Variants in FAM174B observed in about 807,000 individuals in gnomAD.
The protein encoded by FAM174B is family with sequence similarity 174 member B.
In FAM174B, 12 loss-of-function variants were observed where a neutral mutation model predicts 10.9. The ratio of observed to expected loss-of-function variants is 1.10; its 90% CI spans 0.71 to 1.79. The LOEUF (loss-of-function observed/expected upper bound fraction) is 1.79. Among genes scored for constraint, FAM174B ranks in the 40% most tolerant of loss-of-function variants. FAM174B has a pLI of 0.00. For missense variants in FAM174B, 266 were observed against 233.3 expected, an observed-to-expected ratio of 1.14 and a Z score of -0.91; for synonymous variants, 132 against 115.8, an observed-to-expected ratio of 1.14 and a Z score of -0.90.
At chr15:92,634,937 T>G (rs2050843560) in intron 1 of FAM174B, among the ~76,000 whole-genome samples, 1 of 152,198 alleles carries the variant, frequency 6.6e-6, no homozygotes, top group South Asian at 2.1e-4. Context: ...TTTCCTGCCT[T>G]GGGACTCAAA....
chr15:92,653,981 A>T (rs1275346437), intron 1 of FAM174B, among the ~76,000 whole-genome samples: 5 of 152,218 alleles, frequency 3.3e-5, no homozygotes, highest in Non-Finnish European at 7.3e-5. Context: ...TAGAGTGGGA[A>T]GAAGACAGGA....
intron 1 of FAM174B, chr15:92,639,283 A>T (rs1293161998): frequency 6.6e-6 from 1 of 152,220 alleles, no homozygotes; most frequent in Non-Finnish European, 1.5e-5. Context: ...AAAGCAACCA[A>T]AACAAGCTTG....
chr15:92,646,588 G>T (rs1257223462), intron 1 of FAM174B, among the ~76,000 whole-genome samples: 1 of 152,164 alleles, frequency 6.6e-6, no homozygotes, highest in African/African-American at 2.4e-5. Flanking sequence ...AGGGTGGGGG[G>T]TTGGACATAC....
chr15:92,631,382 T>TATATA (rs2050812499), intron 1 of FAM174B, among the ~76,000 whole-genome samples: 1 of 22,862 alleles, frequency 4.4e-5, no homozygotes, highest in African/African-American at 2.9e-4. Flanking sequence ...TATAATATAT[T>TATATA]ATATATTATA....
intron 2 of FAM174B, among the ~76,000 whole-genome samples, chr15:92,623,692 C>T (rs1250946648): frequency 1.3e-5 from 2 of 152,206 alleles, no homozygotes; most frequent in East Asian, 3.8e-4. Context: ...GGCAAGGACA[C>T]TCTGGGAAGA....
At chr15:92,633,801 C>T (rs1010608723) in intron 1 of FAM174B, among the ~76,000 whole-genome samples, 4 of 152,166 alleles carry the variant, frequency 2.6e-5, no homozygotes, top group Non-Finnish European at 5.9e-5. Context: ...AGATACTTCT[C>T]TCCACCTCCC....
chr15:92,655,270 CCGCCCTGT>C lies in FAM174B; in HGVS notation c.344+38_344+45del, dbSNP rs746294046. On this transcript the variant is annotated intron_variant, in intron 1 of 2. Transcript: ENST00000327355. ...GCGCGGCGACAGCAGGTTGGCGATG[CCGCCCTGT>C]CGGCCGGCGGGGGAAGGAAGAGGGC... The C allele has an allele frequency of 5.4e-6, 8 of 1,486,476 alleles. No individual in the cohort carries two copies. The African/African-American group carries it at 1.2e-4, about 22-fold the overall frequency. 92.1% of individuals were successfully genotyped at this position (1,486,476 alleles called of 1,614,324 possible). A position where few individuals can be genotyped will look rare whatever the true frequency, so the allele number is the denominator to read the frequency against.
At chr15:92,653,976 T>C (rs1196637417) in intron 1 of FAM174B, among the ~76,000 whole-genome samples, 1 of 151,166 alleles carries the variant, frequency 6.6e-6, no homozygotes. Flanking sequence ...GTGGGTAGAG[T>C]GGGAAGAAGA....
At chr15:92,623,176 G>A (rs2050730845) in intron 2 of FAM174B, among the ~76,000 whole-genome samples, 2 of 151,560 alleles carry the variant, frequency 1.3e-5, no homozygotes, top group South Asian at 4.2e-4. Context: ...AAAGAAAAAA[G>A]TGGCCATGCT....
chr15:92,643,930 G>T (rs1001218942), intron 1 of FAM174B, among the ~76,000 whole-genome samples: 1 of 152,186 alleles, frequency 6.6e-6, no homozygotes, highest in Admixed American at 6.5e-5. Context: ...GAGGAAGACT[G>T]AAGCACACAG....
intron 1 of FAM174B, among the ~76,000 whole-genome samples, chr15:92,638,526 T>C (rs2050870385): frequency 6.6e-6 from 1 of 152,122 alleles, no homozygotes; most frequent in African/African-American, 2.4e-5. Context: ...ACTAAACCCT[T>C]TAGACTCAGT....
Position 92,617,934 on chromosome 15 carries a change from C to T in FAM174B, c.*1522G>A, listed in dbSNP as rs752002909. 2 of 395,306 alleles carry T rather than the reference C, an allele frequency of 5.1e-6. No individual in the cohort carries two copies. Among genetic ancestry groups the T allele is most frequent in the African/African-American group, 2.1e-5 (1 of 48,348 alleles). The allele number at this position is 395,306 out of a possible 1,614,324, so 24.5% of individuals were successfully genotyped here. On this transcript the variant is annotated 3_prime_UTR_variant, in exon 3 of 3. Coordinates refer to ENST00000327355, the MANE Select transcript of FAM174B (RefSeq NM_207446.3). ...CGCCACCCTCACCCAGGGCTTCCCA[C>T]GGGCTCTGCTCTTTCCTGCAGAGGC...
At chr15:92,626,740 A>G (rs892014807) in intron 2 of FAM174B, among the ~76,000 whole-genome samples, 6 of 152,114 alleles carry the variant, frequency 3.9e-5, no homozygotes, top group African/African-American at 1.4e-4. Context: ...GGGAGCTAAC[A>G]CTATTCCTGT....
chr15:92,652,572 A>G (rs2453901), intron 1 of FAM174B, among the ~76,000 whole-genome samples: 32,838 of 152,126 alleles, frequency 0.22, 3,983 homozygotes, highest in African/African-American at 0.33. Flanking sequence ...GGGGTAGAAG[A>G]AGGATGAGAC....
At chr15:92,629,433 T>C (rs1691317209) in intron 2 of FAM174B, among the ~76,000 whole-genome samples, 1 of 152,136 alleles carries the variant, frequency 6.6e-6, no homozygotes, top group South Asian at 2.1e-4. Flanking sequence ...GTAAACTCCA[T>C]CCAAGCAGGA....
At chr15:92,622,932 G>A (rs1322559043) in intron 2 of FAM174B, among the ~76,000 whole-genome samples, 1 of 152,118 alleles carries the variant, frequency 6.6e-6, no homozygotes, top group Non-Finnish European at 1.5e-5. Context: ...AAGATGGGCA[G>A]ATCACTTGAG....
At chr15:92,635,579 C>CTTTTTTTTT (rs34666199) in intron 1 of FAM174B, among the ~76,000 whole-genome samples, 1 of 128,262 alleles carries the variant, frequency 7.8e-6, no homozygotes, top group African/African-American at 2.9e-5. Context: ...ATATTTCTTT[C>CTTTTTTTTT]TTTTTTTTTT....
At chr15:92,651,186 C>A (rs147796389) in intron 1 of FAM174B, among the ~76,000 whole-genome samples, 2,234 of 152,278 alleles carry the variant, frequency 0.015, 31 homozygotes, top group Middle Eastern at 0.02. Flanking sequence ...ATGTGAGAAT[C>A]TGAGAACCCT....
chr15:92,639,624 G>A (rs189916357), intron 1 of FAM174B, among the ~76,000 whole-genome samples: 33 of 152,316 alleles, frequency 2.2e-4, no homozygotes, highest in Non-Finnish European at 3.8e-4. Flanking sequence ...GGTGGGGCCT[G>A]GTGGAAGGTG....
Sources: allele counts gnomAD v4.1 joint callset (sites outside exome capture counted in the v4.1 genomes callset), GRCh38; gene constraint gnomAD v4.1.1; transcripts MANE v1.5; gene names NCBI Gene and HGNC (gene_info 2026-07-23, HGNC 2026-07-21).